TRPS1: variants seen among roughly 807,000 people sequenced by gnomAD.
TRPS1 encodes transcriptional repressor GATA binding 1, also known as zinc finger transcription factor Trps1.
A neutral mutation model predicts 101.2 loss-of-function variants in TRPS1; 6 were observed. That is an observed-to-expected ratio of 0.06 (90% CI 0.03 to 0.12). The LOEUF (loss-of-function observed/expected upper bound fraction) is 0.12. Among genes scored for constraint, TRPS1 ranks in the 10% least tolerant of loss-of-function variants. The pLI is 1.00. For synonymous variants in TRPS1, 578 were observed against 589.8 expected (o/e 0.98, Z 0.29); for missense variants, 1,363 against 1,567.0 (o/e 0.87, Z 2.20).
chr8:115,427,371 T>A (rs1254035865), intron 5 of TRPS1, among the ~76,000 whole-genome samples: 1 of 152,212 alleles, frequency 6.6e-6, no homozygotes, highest in Admixed American at 6.5e-5. Flanking sequence ...TGTCCCTTTT[T>A]AAATAATCAT....
rs533058190 is a variant in TRPS1, at chr8:115,438,789, CT to C, written c.2701-20338del. 7.2e-4 allele frequency among the ~76,000 whole-genome samples: 109 copies of C among 152,214 alleles called. 1 individual carries two copies. The highest frequency in any genetic ancestry group is 2.6e-3 in the African/African-American group (108 of 41,524). ...TCCCTTGTTCCATTCCCCTTTTCTG[CT>C]TTGTTTCATTCTTTTTCCATTTATC... is the stretch of plus-strand genomic sequence containing the variant. On this transcript the variant is annotated intron_variant, in intron 5 of 6. Coordinates refer to ENST00000395715, the MANE Select transcript of TRPS1 (RefSeq NM_014112.5).
At chr8:115,460,307 G>T (rs893353470) in intron 5 of TRPS1, among the ~76,000 whole-genome samples, 3 of 151,372 alleles carry the variant, frequency 2.0e-5, no homozygotes, top group Non-Finnish European at 4.4e-5. Flanking sequence ...AGTACATCAA[G>T]TCACACACAC....
chr8:115,498,415 C>CTCTCTCTCTATA (rs1486361297), intron 5 of TRPS1, among the ~76,000 whole-genome samples: 8 of 39,314 alleles, frequency 2.0e-4, no homozygotes, highest in Admixed American at 7.1e-4. Context: ...CTCTCTCTCT[C>CTCTCTCTCTATA]TATATATATA....
chr8:115,580,809 T>G (rs928228324), intron 5 of TRPS1, among the ~76,000 whole-genome samples: 224 of 152,028 alleles, frequency 1.5e-3, no homozygotes, highest in Non-Finnish European at 4.9e-4. Context: ...GAGTGTAAAC[T>G]AGGGCAGCCA....
rs542208641 is a variant in TRPS1 at position 115,521,916 on chromosome 8, T to G, written c.2700+65085A>C. ...TTACAATTATTTTTTAAATAAAATT[T>G]GGTTTAATGTCCTCATGAAGAGACG... On this transcript the variant is annotated intron_variant, in intron 5 of 6. Coordinates refer to ENST00000395715, the MANE Select transcript of TRPS1 (RefSeq NM_014112.5). 2.0e-5 allele frequency among the ~76,000 whole-genome samples: 3 copies of G among 152,116 alleles called. No homozygotes were observed. In the East Asian group the frequency reaches 5.8e-4, roughly 29 times the overall value.
At chr8:115,616,559 T>C (rs1249569349) in intron 3 of TRPS1, among the ~76,000 whole-genome samples, 1 of 151,450 alleles carries the variant, frequency 6.6e-6, no homozygotes, top group Non-Finnish European at 1.5e-5. Context: ...ATGTCATAAA[T>C]CTATCATTAA....
chr8:115,635,084 C>A (rs1194672473), intron 1 of TRPS1, among the ~76,000 whole-genome samples: 1 of 152,140 alleles, frequency 6.6e-6, no homozygotes, highest in African/African-American at 2.4e-5. Context: ...TTGGAGAGTG[C>A]TAACCAGTTA....
chr8:115,659,991 C>T (rs561420802), intron 1 of TRPS1, among the ~76,000 whole-genome samples: 49 of 151,980 alleles, frequency 3.2e-4, no homozygotes, highest in Admixed American at 3.9e-4. Context: ...TGTACATGTA[C>T]GCACTTATTT....
chr8:115,469,746 C>T (rs1444144335), intron 5 of TRPS1, among the ~76,000 whole-genome samples: 1 of 152,114 alleles, frequency 6.6e-6, no homozygotes, highest in Non-Finnish European at 1.5e-5. Flanking sequence ...CCAGGCTGGT[C>T]TTGAACTCCT....
chr8:115,569,589 C>A (rs571774803), intron 5 of TRPS1, among the ~76,000 whole-genome samples: 3 of 152,066 alleles, frequency 2.0e-5, no homozygotes, highest in Admixed American at 6.6e-5. Flanking sequence ...ATGCTGCAGA[C>A]TTAAGGAATA....
intron 5 of TRPS1, among the ~76,000 whole-genome samples, chr8:115,490,904 G>A (rs892108282): frequency 1.3e-5 from 2 of 152,266 alleles, no homozygotes; most frequent in Admixed American, 6.5e-5. Flanking sequence ...CAACTCAAAA[G>A]ATTCTCTGCA....
At chr8:115,569,413 C>T (rs935020139) in intron 5 of TRPS1, among the ~76,000 whole-genome samples, 1 of 152,044 alleles carries the variant, frequency 6.6e-6, no homozygotes, top group African/African-American at 2.4e-5. Context: ...GAGCTCCATG[C>T]CTTTATAGAT....
At chr8:115,623,430 C>G (rs1369099702) in intron 2 of TRPS1, among the ~76,000 whole-genome samples, 171 bp downstream of exon 2, 1 of 151,988 alleles carries the variant, frequency 6.6e-6, no homozygotes, top group African/African-American at 2.4e-5. Flanking sequence ...GCACATTTGT[C>G]ATACTTCTAA....
intron 1 of TRPS1, among the ~76,000 whole-genome samples, chr8:115,659,030 A>T (rs544890821): frequency 6.6e-6 from 1 of 152,218 alleles, no homozygotes; most frequent in South Asian, 2.1e-4. Context: ...TAAAAACGGG[A>T]CTTTAAAAAT....
chr8:115,432,776 C>A (rs1813353796), intron 5 of TRPS1, among the ~76,000 whole-genome samples: 1 of 151,744 alleles, frequency 6.6e-6, no homozygotes, highest in African/African-American at 2.4e-5. Flanking sequence ...AGAAAATGAC[C>A]AAATTACTCC....
At chr8:115,617,482 T>C (rs554818839) in intron 3 of TRPS1, among the ~76,000 whole-genome samples, 1 of 152,322 alleles carries the variant, frequency 6.6e-6, no homozygotes, top group Non-Finnish European at 1.5e-5. Flanking sequence ...TGTTTAAAAA[T>C]CTGAATTCTT....
chr8:115,439,745 A>G (rs1813544216), intron 5 of TRPS1, among the ~76,000 whole-genome samples: 1 of 152,170 alleles, frequency 6.6e-6, no homozygotes, highest in Non-Finnish European at 1.5e-5. Flanking sequence ...TATGACATGC[A>G]AGAACATCAC....
At chr8:115,477,798 A>T (rs528315529) in intron 5 of TRPS1, among the ~76,000 whole-genome samples, 1 of 148,988 alleles carries the variant, frequency 6.7e-6, no homozygotes, top group South Asian at 2.2e-4. Context: ...TCTTCAATCT[A>T]CATTCTTTTT....
chr8:115,626,288 A>C (rs2737223), intron 1 of TRPS1, among the ~76,000 whole-genome samples: 1 of 141,910 alleles, frequency 7.0e-6, no homozygotes, highest in Non-Finnish European at 1.6e-5. Flanking sequence ...TGGTTTAGGG[A>C]AAAAAAAAAA....
Sources: allele counts gnomAD v4.1 joint callset (sites outside exome capture counted in the v4.1 genomes callset), GRCh38; gene constraint gnomAD v4.1.1; transcripts MANE v1.5; gene names NCBI Gene and HGNC (gene_info 2026-07-23, HGNC 2026-07-21).